The following TFB1M variants were observed in gnomAD, a reference collection of about 807,000 sequenced individuals.
TFB1M encodes the protein dimethyladenosine transferase 1, mitochondrial.
Under a neutral mutation model 31.1 loss-of-function variants are expected in TFB1M, and 27 were observed. The ratio of observed to expected loss-of-function variants is 0.87; its 90% CI spans 0.64 to 1.20. The LOEUF (loss-of-function observed/expected upper bound fraction) is 1.20. Among genes scored for constraint, TFB1M ranks in the 50% most tolerant of loss-of-function variants. TFB1M has a pLI of 0.00. For synonymous variants in TFB1M, 166 were observed against 151.8 expected (o/e 1.09, Z -0.69); for missense variants, 394 against 418.7 (o/e 0.94, Z 0.51).
chr6:155,230,709 G>T, the TFB1M span, among the ~76,000 whole-genome samples: 31 of 152,122 alleles, frequency 2.0e-4, 2 homozygotes, highest in East Asian at 5.8e-3. Flanking sequence ...AAAATAACTT[G>T]AAAGGCAGTG....
chr6:155,307,326 G>C (rs1275253226), intron 2 of TFB1M, among the ~76,000 whole-genome samples: 1 of 152,134 alleles, frequency 6.6e-6, no homozygotes, highest in African/African-American at 2.4e-5. Flanking sequence ...ATTTACAAAA[G>C]AGGTTTAGAC....
the TFB1M span, among the ~76,000 whole-genome samples, chr6:155,238,722 T>G: frequency 6.6e-6 from 1 of 152,260 alleles, no homozygotes. Flanking sequence ...TAATGTTTAT[T>G]ATAACTCTTC....
intron 4 of TFB1M, among the ~76,000 whole-genome samples, chr6:155,294,895 T>C (rs1015097223): frequency 5.3e-4 from 81 of 152,212 alleles, no homozygotes; most frequent in Admixed American, 1.3e-3. Context: ...TAATTCATGG[T>C]CCACCAACAT....
At chr6:155,259,762 C>T (rs940449319) in intron 6 of TFB1M, among the ~76,000 whole-genome samples, 1 of 152,246 alleles carries the variant, frequency 6.6e-6, no homozygotes, top group Non-Finnish European at 1.5e-5. Flanking sequence ...AGGTGGGCGA[C>T]CTCTAGACCA....
At chr6:155,268,672 CAT>C (rs1425523832) in intron 5 of TFB1M, among the ~76,000 whole-genome samples, 4 of 152,068 alleles carry the variant, frequency 2.6e-5, no homozygotes, top group Non-Finnish European at 5.9e-5. Flanking sequence ...CTCTCTGAAA[CAT>C]GTGCTGTGTC....
At chr6:155,254,483 C>T (rs779164175), downstream of TFB1M, 21 of 1,613,976 alleles carry the variant, frequency 1.3e-5, no homozygotes, top group Middle Eastern at 1.6e-4. Flanking sequence ...GAACTTCAGG[C>T]GTCACATAAA....
the TFB1M span, chr6:155,250,855 A>G: frequency 1.6e-5 from 24 of 1,496,250 alleles, no homozygotes; most frequent in Non-Finnish European, 1.6e-5. Flanking sequence ...CTATCTAACA[A>G]GAGATCATCT....
chr6:155,265,709 ATATATTTATATATAATATAAATATATAT>A, intron 5 of TFB1M, among the ~76,000 whole-genome samples: 1 of 146,442 alleles, frequency 6.8e-6, no homozygotes, highest in African/African-American at 2.5e-5. Flanking sequence ...TAAATATTAA[ATATATTTATATATAATATAAATATATAT>A]TATATATAAT....
At chr6:155,242,310 A>G in the TFB1M span, among the ~76,000 whole-genome samples, 1 of 152,152 alleles carries the variant, frequency 6.6e-6, no homozygotes, top group Admixed American at 6.5e-5. Flanking sequence ...CCGTTTCTTC[A>G]TTTCTTTTTT....
Position 155,260,266 on chromosome 6 carries a change from T to C in TFB1M, c.794+7A>G, listed in dbSNP as rs1271344425. The C allele has an allele frequency of 6.2e-7, 1 of 1,614,084 alleles. No individual in the cohort carries two copies. Among genetic ancestry groups the C allele is most frequent in the Non-Finnish European group, 8.5e-7 (1 of 1,180,024 alleles). Reference sequence around the variant, plus strand: ...CTGCAACTGAAGAGAAGAAAAGGCATTCTTACCTGAGCCCTCGATGGCAGT... The same window carrying C: ...CTGCAACTGAAGAGAAGAAAAGGCACTCTTACCTGAGCCCTCGATGGCAGT... On this transcript the variant is annotated splice_region_variant and intron_variant, in intron 6 of 6. Coordinates refer to ENST00000367166, the MANE Select transcript of TFB1M (RefSeq NM_016020.4).
chr6:155,279,606 A>G (rs1211505216), intron 5 of TFB1M, among the ~76,000 whole-genome samples: 2 of 152,230 alleles, frequency 1.3e-5, no homozygotes, highest in Non-Finnish European at 2.9e-5. Context: ...TGTCAGCTAC[A>G]TGACTTTAGC....
At chr6:155,289,904 C>T (rs2114754757) in intron 4 of TFB1M, among the ~76,000 whole-genome samples, 1 of 152,306 alleles carries the variant, frequency 6.6e-6, no homozygotes, top group East Asian at 1.9e-4. Flanking sequence ...CACCTCCCCA[C>T]TCTCTTCCTA....
At chr6:155,255,635 C>CAT (rs1375920718), downstream of TFB1M, 1 of 151,842 alleles carries the variant, frequency 6.6e-6, no homozygotes, top group Non-Finnish European at 1.5e-5. Context: ...CACACACACA[C>CAT]ACCTATAACA....
Position 155,307,667 on chromosome 6 carries a change from T to G in TFB1M, c.285+3521A>C, listed in dbSNP as rs150179010. ...TAAACTCTCCATAAATATTAGCTAT[T>G]ATTATTTTTAATATATGAAGCCTTT... On this transcript the variant is annotated intron_variant, in intron 2 of 6. Coordinates refer to ENST00000367166, the MANE Select transcript of TFB1M (RefSeq NM_016020.4). Among the ~76,000 whole-genome samples the G allele has an allele frequency of 7.9e-3, 1,201 of 152,236 alleles. 16 individuals are homozygous for G. Among genetic ancestry groups the G allele is most frequent in the African/African-American group, 0.027 (1,140 of 41,510 alleles).
At chr6:155,283,543 T>C (rs1036420947) in intron 5 of TFB1M, among the ~76,000 whole-genome samples, 3 of 152,364 alleles carry the variant, frequency 2.0e-5, no homozygotes, top group South Asian at 2.1e-4. Context: ...ACTACATATG[T>C]ACCTTACCAC....
At chr6:155,244,222 GCCT>G in the TFB1M span, 3 of 792,930 alleles carry the variant, frequency 3.8e-6, no homozygotes, top group African/African-American at 1.7e-5. Context: ...CCCAGGCATA[GCCT>G]CCTCCTAAAC....
chr6:155,257,620 T>C lies in TFB1M; in HGVS notation c.*216A>G. ...GATGCTGTTTATACTAAACATGTCATAACTATCTATACAGTATATATTAAA... is the reference window on the plus strand; with the variant it reads ...GATGCTGTTTATACTAAACATGTCACAACTATCTATACAGTATATATTAAA... On this transcript the variant is annotated 3_prime_UTR_variant, in exon 7 of 7. Transcript: ENST00000367166. The C allele has an allele frequency of 1.8e-6, 1 of 553,924 alleles. No homozygotes were observed. Among genetic ancestry groups the C allele is most frequent in the Non-Finnish European group, 3.1e-6 (1 of 317,876 alleles). The allele number at this position is 553,924 out of a possible 1,614,324, so 34.3% of individuals were successfully genotyped here.
At chr6:155,283,342 ATAAATC>A (rs1240648520) in intron 5 of TFB1M, among the ~76,000 whole-genome samples, 1 of 152,214 alleles carries the variant, frequency 6.6e-6, no homozygotes, top group Admixed American at 6.5e-5. Context: ...TGGATTACAA[ATAAATC>A]CCCTGTATGT....
the TFB1M span, chr6:155,240,622 G>A: frequency 3.7e-6 from 6 of 1,614,118 alleles, no homozygotes; most frequent in Admixed American, 1.7e-5. Context: ...ATCCTCCTCC[G>A]AGGTCTCTGG....
Sources: gnomAD v4.1 joint callset for allele counts (sites outside exome capture counted in the v4.1 genomes callset) on GRCh38, gnomAD v4.1.1 for gene constraint, MANE v1.5 for transcripts, NCBI Gene and HGNC (gene_info 2026-07-23, HGNC 2026-07-21) for gene names.